Variants in RGS7 observed in about 807,000 individuals in gnomAD.
RGS7 encodes regulator of G-protein signaling 7.
A neutral mutation model predicts 81.1 loss-of-function variants in RGS7; 27 were observed. That is an observed-to-expected ratio of 0.33 (90% confidence interval 0.25 to 0.46). The LOEUF (loss-of-function observed/expected upper bound fraction) is 0.46. RGS7 is among the 20% of genes least tolerant of loss of function. RGS7 has a pLI of 1.00. For synonymous variants in RGS7, 208 were observed against 207.7 expected (o/e 1.00, Z -0.01); for missense variants, 396 against 607.4 (o/e 0.65, Z 3.66).
In RGS7 at chr1:240,987,706, T is replaced by C. The variant is rs56291668; in HGVS notation, c.176-4577A>G. On this transcript the variant is annotated intron_variant, in intron 3 of 18. Transcript: ENST00000440928. Reference sequence around the variant, plus strand: ...GCCCGGCAATTTTTTTTAATTATTATTTTTTGGAGGATGGGGTCTCGCTAT... The same window carrying C: ...GCCCGGCAATTTTTTTTAATTATTACTTTTTGGAGGATGGGGTCTCGCTAT... Among the ~76,000 whole-genome samples, 633 of 125,190 alleles carry C rather than the reference T, an allele frequency of 5.1e-3. 7 individuals carry two copies. Among genetic ancestry groups the C allele is most frequent in the South Asian group, 0.04 (136 of 3,422 alleles). 82.1% of individuals were successfully genotyped at this position (125,190 alleles called of 152,430 possible).
chr1:241,087,577 AATACTACTTACTGTTC>A (rs2063521828), intron 3 of RGS7, among the ~76,000 whole-genome samples: 2 of 152,332 alleles, frequency 1.3e-5, no homozygotes, highest in South Asian at 2.1e-4. Flanking sequence ...CGATTAATCA[AATACTACTTACTGTTC>A]ATGAGTTTAT....
intron 2 of RGS7, among the ~76,000 whole-genome samples, chr1:241,104,707 T>A (rs752311830): frequency 4.2e-4 from 64 of 152,236 alleles, no homozygotes; most frequent in Non-Finnish European, 8.8e-4. Context: ...ATTTTGAGAA[T>A]ATGTATTGCT....
intron 10 of RGS7, among the ~76,000 whole-genome samples, chr1:240,819,032 G>A (rs1023561317): frequency 1.3e-5 from 2 of 152,202 alleles, no homozygotes; most frequent in East Asian, 1.9e-4. Context: ...AATATTACCC[G>A]ATAAATATGT....
At chr1:240,943,779 A>C (rs1045931175) in intron 4 of RGS7, among the ~76,000 whole-genome samples, 9 of 152,194 alleles carry the variant, frequency 5.9e-5, no homozygotes, top group Admixed American at 5.9e-4. Flanking sequence ...TTACAAAACC[A>C]TACTGTGAAT....
At chr1:240,778,439 A>C (rs1054926753) in intron 18 of RGS7, among the ~76,000 whole-genome samples, 1 of 152,222 alleles carries the variant, frequency 6.6e-6, no homozygotes, top group Non-Finnish European at 1.5e-5. Flanking sequence ...AATGAAAATC[A>C]TGCACCATTT....
Position 241,355,719 on chromosome 1 carries a change from TG to T in RGS7, c.57del (p.Asn20ThrfsTer12). 6.2e-7 allele frequency: 1 copy of T among 1,614,098 alleles called. No homozygotes were observed. On this transcript the variant is annotated frameshift_variant, in exon 2 of 19. Coordinates refer to ENST00000440928, the MANE Select transcript of RGS7 (RefSeq NM_001364886.1). LOFTEE classifies it high-confidence loss of function. The part of the protein sequence containing the change: ...QTSNGVADES[P>X]NMLVYRKMED... ...CTTACCTTTCTGTACACCAGCATGT[TG>T]GGTGATTCATCGGCCACCCCGTTGC...
chr1:240,997,689 G>A (rs1553380205), intron 3 of RGS7, among the ~76,000 whole-genome samples: 1 of 152,022 alleles, frequency 6.6e-6, no homozygotes, highest in Non-Finnish European at 1.5e-5. Flanking sequence ...GTCGAGAAGG[G>A]GGCACATGCC....
chr1:241,029,348 A>T (rs1248066603), intron 3 of RGS7, among the ~76,000 whole-genome samples: 1 of 152,176 alleles, frequency 6.6e-6, no homozygotes. Flanking sequence ...AATTATATTC[A>T]TTCATTTTAA....
At chr1:240,890,184 C>T (rs1458387310) in intron 6 of RGS7, among the ~76,000 whole-genome samples, 1 of 152,100 alleles carries the variant, frequency 6.6e-6, no homozygotes, top group Non-Finnish European at 1.5e-5. Flanking sequence ...GACGGAGTCT[C>T]GCTCTGTCAC....
chr1:240,897,554 CTT>C (rs1669295831), intron 6 of RGS7, among the ~76,000 whole-genome samples: 1 of 151,494 alleles, frequency 6.6e-6, no homozygotes, highest in South Asian at 2.1e-4. Flanking sequence ...TGGTTTTTGT[CTT>C]TGTTTCTGTT....
chr1:241,121,572 T>C (rs2066256432), intron 2 of RGS7, among the ~76,000 whole-genome samples: 1 of 152,126 alleles, frequency 6.6e-6, no homozygotes, highest in African/African-American at 2.4e-5. Flanking sequence ...TGAGGGTGGA[T>C]GACAGAGAGG....
chr1:241,042,558 G>GA (rs1275998549), intron 3 of RGS7, among the ~76,000 whole-genome samples: 2 of 152,106 alleles, frequency 1.3e-5, no homozygotes, highest in East Asian at 1.9e-4. Context: ...AATACATACA[G>GA]AAAAAAAGGC....
chr1:241,177,323 G>A (rs905969520), intron 2 of RGS7, among the ~76,000 whole-genome samples: 1 of 152,136 alleles, frequency 6.6e-6, no homozygotes. Flanking sequence ...CTGATGGAGA[G>A]AGTTCAGCAA....
At chr1:241,244,002 A>G (rs2076396109) in intron 2 of RGS7, among the ~76,000 whole-genome samples, 1 of 152,148 alleles carries the variant, frequency 6.6e-6, no homozygotes, top group Admixed American at 6.5e-5. Flanking sequence ...CAAAAAAGAG[A>G]TCCTTTCTAG....
chr1:241,058,418 T>C (rs1016698974), intron 3 of RGS7, among the ~76,000 whole-genome samples: 2 of 152,216 alleles, frequency 1.3e-5, no homozygotes, highest in Admixed American at 6.5e-5. Context: ...CAAGGTCAAA[T>C]AGGGCACTTG....
At chr1:240,889,236 C>T (rs1311008393) in intron 6 of RGS7, among the ~76,000 whole-genome samples, 2 of 152,122 alleles carry the variant, frequency 1.3e-5, no homozygotes, top group African/African-American at 2.4e-5. Context: ...GGATTACAGA[C>T]GTGAGCCACT....
At chr1:240,788,675 T>A (rs942641068) in intron 18 of RGS7, among the ~76,000 whole-genome samples, 1 of 152,230 alleles carries the variant, frequency 6.6e-6, no homozygotes, top group Non-Finnish European at 1.5e-5. Flanking sequence ...GGAATACTTC[T>A]ATTTGTGTGA....
rs140608167 is a variant in RGS7, at chr1:240,880,734, A to G, written c.386-10615T>C. Among the ~76,000 whole-genome samples the G allele has an allele frequency of 1.7e-3, 263 of 152,294 alleles. 1 individual carries two copies. Among genetic ancestry groups the G allele is most frequent in the African/African-American group, 6.0e-3 (250 of 41,560 alleles). On this transcript the variant is annotated intron_variant, in intron 6 of 18. Transcript: ENST00000440928. The stretch of plus-strand genomic sequence containing the variant: ...GGGAATTCCTACTGGGGTTGGTCAG[A>G]ATTCCATCCAATGCTAATTTCTCGA...
intron 2 of RGS7, among the ~76,000 whole-genome samples, chr1:241,347,412 C>T (rs1413200064): frequency 6.6e-6 from 1 of 152,184 alleles, no homozygotes; most frequent in Non-Finnish European, 1.5e-5. Context: ...CATGGGCTAT[C>T]ACCCTCCTTT....
Sources: gnomAD v4.1 joint callset for allele counts (sites outside exome capture counted in the v4.1 genomes callset) on GRCh38, gnomAD v4.1.1 for gene constraint, MANE v1.5 for transcripts, NCBI Gene and HGNC (gene_info 2026-07-23, HGNC 2026-07-21) for gene names.